SLC27A6: variants seen among roughly 807,000 people sequenced by gnomAD.
SLC27A6 encodes the protein long-chain fatty acid transport protein 6.
A neutral mutation model predicts 63.9 loss-of-function variants in SLC27A6; 74 were observed. That is an observed-to-expected ratio of 1.16 (90% CI 0.96 to 1.40). The LOEUF is 1.40. Among genes scored for constraint, SLC27A6 ranks in the 40% most tolerant of loss-of-function variants. The probability of loss-of-function intolerance (pLI) is 0.00; values close to 1 mark genes in which losing one functional copy is unlikely to be tolerated. For synonymous variants in SLC27A6, 287 were observed against 260.8 expected, an observed-to-expected ratio of 1.10 and a Z score of -0.97; for missense variants, 794 against 732.9, an observed-to-expected ratio of 1.08 and a Z score of -0.96.
At chr5:128,981,614 C>T (rs369574944) in intron 1 of SLC27A6, among the ~76,000 whole-genome samples, 1 of 152,202 alleles carries the variant, frequency 6.6e-6, no homozygotes, top group African/African-American at 2.4e-5. Flanking sequence ...GTAGAGTGAG[C>T]AGAAGGATGG....
rs1421004114 is a variant in SLC27A6 at position 129,027,222 on chromosome 5, C to T, written c.1345C>T (p.Leu449Phe). ...GPYKHTKDKL[L>F]CDVFKKGDVY... ...TTATAAGCACACAAAAGACAAATTG[C>T]TTTGTGATGTTTTTAAGAAGGGAGA... Residue 449 changes from leucine (L) to phenylalanine (F), a missense_variant, in exon 7 of 10, where the codon CTT becomes TTT. By Grantham distance (22) the Leu-to-Phe change is conservative. Transcript: ENST00000262462. 4 of 1,613,142 alleles carry T rather than the reference C, an allele frequency of 2.5e-6. No homozygotes were observed. In the South Asian group the frequency reaches 4.4e-5, roughly 18 times the overall value.
rs553302579 is a variant in SLC27A6, at chr5:128,965,514, C to T, written c.-624C>T. On this transcript the variant is annotated 5_prime_UTR_variant, in exon 1 of 10. Transcript: ENST00000262462. The stretch of plus-strand genomic sequence containing the variant: ...ACCCGCTGGCCCTGAGGCCACGGAC[C>T]GAGACGTGGTGCTGAGCCCCTGCGC... The T allele has an allele frequency of 1.3e-5, 2 of 152,506 alleles. No individual in the cohort carries two copies. Among genetic ancestry groups the T allele is most frequent in the East Asian group, 1.9e-4 (1 of 5,166 alleles). 9.4% of individuals were successfully genotyped at this position (152,506 alleles called of 1,614,324 possible). A position where few individuals can be genotyped will look rare whatever the true frequency, so the allele number is the denominator to read the frequency against.
intron 8 of SLC27A6, among the ~76,000 whole-genome samples, chr5:129,028,989 T>A (rs1752334753): frequency 6.6e-6 from 1 of 151,898 alleles, no homozygotes; most frequent in Non-Finnish European, 1.5e-5. Flanking sequence ...TGCTTTTAGG[T>A]GCAGGAGAGA....
At chr5:128,990,846 C>T (rs930565985) in intron 4 of SLC27A6, among the ~76,000 whole-genome samples, 1 of 152,316 alleles carries the variant, frequency 6.6e-6, no homozygotes, top group Admixed American at 6.5e-5. Context: ...GCCTCTAGCC[C>T]GATTGGGAGC....
chr5:128,977,146 G>A (rs181958), intron 1 of SLC27A6, among the ~76,000 whole-genome samples: 11,751 of 152,240 alleles, frequency 0.077, 1,261 homozygotes, highest in East Asian at 0.56. Flanking sequence ...AAGTTAGCAA[G>A]TGTTCATGTG....
intron 1 of SLC27A6, among the ~76,000 whole-genome samples, chr5:128,970,011 A>G (rs1323533568): frequency 6.6e-6 from 1 of 152,046 alleles, no homozygotes; most frequent in Admixed American, 6.6e-5. Flanking sequence ...TTCTGCATCT[A>G]TTGAGATAAT....
intron 1 of SLC27A6, among the ~76,000 whole-genome samples, chr5:128,980,277 G>C (rs1177586103): frequency 6.6e-6 from 1 of 152,178 alleles, no homozygotes; most frequent in Non-Finnish European, 1.5e-5. Flanking sequence ...ACAATGAATG[G>C]TTTATATAGA....
At chr5:129,023,546 A>C (rs1260333050) in intron 5 of SLC27A6, 74 bp from the exon 6 acceptor site, 1 of 1,026,314 alleles carries the variant, frequency 9.7e-7, no homozygotes, top group East Asian at 2.4e-5. Context: ...AGTAGACTAA[A>C]TTGCTTGTAC....
chr5:128,998,120 A>G (rs984205123), intron 4 of SLC27A6, among the ~76,000 whole-genome samples: 1 of 107,176 alleles, frequency 9.3e-6, no homozygotes, highest in African/African-American at 3.6e-5. Context: ...ATCTCTACAA[A>G]AAAAAAAAAA....
chr5:128,966,317 C>T lies in SLC27A6; in HGVS notation c.180C>T (p.Phe60=). ...RGELVTVLDK[F]LSHAKRQPRK... ...AGCTGGTGACTGTGCTGGATAAATT[C>T]TTGAGTCATGCCAAAAGACAACCTC... is the stretch of plus-strand genomic sequence containing the variant. Residue 60 remains phenylalanine, a synonymous_variant, in exon 1 of 10, where the codon TTC becomes TTT. Coordinates refer to ENST00000262462, the MANE Select transcript of SLC27A6 (RefSeq NM_001017372.3). The T allele has an allele frequency of 2.5e-6, 4 of 1,614,090 alleles. No homozygotes were observed. The highest frequency in any genetic ancestry group is 3.4e-6 in the Non-Finnish European group (4 of 1,179,998).
intron 9 of SLC27A6, among the ~76,000 whole-genome samples, chr5:129,031,028 C>A (rs1353948512): frequency 6.6e-6 from 1 of 151,924 alleles, no homozygotes; most frequent in Non-Finnish European, 1.5e-5. Context: ...GTTGACAGGA[C>A]AAATAATATT....
intron 1 of SLC27A6, among the ~76,000 whole-genome samples, chr5:128,978,351 C>G (rs1750462883): frequency 6.6e-6 from 1 of 152,086 alleles, no homozygotes; most frequent in Non-Finnish European, 1.5e-5. Flanking sequence ...AGCTGTGTTA[C>G]CTTAAAAAAG....
Position 128,985,515 on chromosome 5 carries a change from T to G in SLC27A6, c.685+179T>G, listed in dbSNP as rs533183319. On this transcript the variant is annotated intron_variant, in intron 2 of 9. Coordinates refer to ENST00000262462, the MANE Select transcript of SLC27A6 (RefSeq NM_001017372.3). The stretch of plus-strand genomic sequence containing the variant: ...TGGATGGAAAGTTAATTATCTTAAC[T>G]TTTACTTGAAAAGTCATTGTGTTCA... 2.2e-4 allele frequency among the ~76,000 whole-genome samples: 33 copies of G among 152,304 alleles called. No individual in the cohort carries two copies. In the South Asian group the frequency reaches 6.2e-3, roughly 29 times the overall value.
At position 129,021,781 on chromosome 5, in the gene SLC27A6, AATGCTGTGATAT is replaced by A. The variant is rs568833474; in HGVS notation, c.1165-1836_1165-1825del. ...CCTCTGCTCCAGAGTACTTCTAGAA[AATGCTGTGATAT>A]ATTTAATTGCGTTTGAATTATAAAA... On this transcript the variant is annotated intron_variant, in intron 5 of 9. Transcript: ENST00000262462. 8.3e-3 allele frequency among the ~76,000 whole-genome samples: 1,264 copies of A among 152,300 alleles called. 5 individuals carry two copies. Among genetic ancestry groups the A allele is most frequent in the Non-Finnish European group, 0.011 (754 of 68,028 alleles).
chr5:128,976,484 A>C (rs1366445647), intron 1 of SLC27A6, among the ~76,000 whole-genome samples: 1 of 152,240 alleles, frequency 6.6e-6, no homozygotes, highest in Non-Finnish European at 1.5e-5. Flanking sequence ...ATTGCACTCC[A>C]GCCTAGGCAA....
At chr5:128,990,834 G>A (rs753100392) in intron 4 of SLC27A6, among the ~76,000 whole-genome samples, 5 of 152,340 alleles carry the variant, frequency 3.3e-5, no homozygotes, top group South Asian at 4.1e-4. Context: ...GAACAATGGC[G>A]AGCCTCTAGC....
chr5:129,003,662 C>A (rs1228121265), intron 4 of SLC27A6, among the ~76,000 whole-genome samples: 4 of 151,992 alleles, frequency 2.6e-5, no homozygotes, highest in African/African-American at 9.7e-5. Context: ...TATAGTGAGG[C>A]CCTGTCTCTA....
At chr5:129,025,189 T>C (rs1045815413) in intron 6 of SLC27A6, among the ~76,000 whole-genome samples, 9 of 152,202 alleles carry the variant, frequency 5.9e-5, no homozygotes, top group Non-Finnish European at 2.9e-5. Context: ...AGCTACTCAA[T>C]ATTTTTTCCA....
chr5:128,971,940 G>A lies in SLC27A6; in HGVS notation c.481+5322G>A, dbSNP rs113909320. Among the ~76,000 whole-genome samples the A allele has an allele frequency of 5.3e-5, 8 of 151,942 alleles. No homozygotes were observed. The South Asian group carries it at 6.2e-4, about 12-fold the overall frequency. ...CACATTTAGTGCTTCCTTTAGGAGC[G>A]CTTGTAAGGCAGGCCTGGTGGTGAC... On this transcript the variant is annotated intron_variant, in intron 1 of 9. Transcript: ENST00000262462.
Sources: allele counts gnomAD v4.1 joint callset (sites outside exome capture counted in the v4.1 genomes callset), GRCh38; gene constraint gnomAD v4.1.1; transcripts MANE v1.5; gene names NCBI Gene and HGNC (gene_info 2026-07-23, HGNC 2026-07-21).